Variants in ULK4 observed in about 807,000 individuals in gnomAD.
ULK4 encodes unc-51 like kinase 4.
Under a neutral mutation model 160.6 loss-of-function variants are expected in ULK4, and 133 were observed. The ratio of observed to expected loss-of-function variants is 0.83; its 90% CI spans 0.72 to 0.96. The LOEUF (loss-of-function observed/expected upper bound fraction) is 0.96. Ranked by LOEUF, ULK4 falls within the 40% of genes least tolerant of loss-of-function variation. The probability of loss-of-function intolerance (pLI) is 0.00; values close to 1 mark genes in which losing one functional copy is unlikely to be tolerated. For missense variants in ULK4, 1,580 were observed against 1,499.5 expected, an observed-to-expected ratio of 1.05 and a Z score of -0.89; for synonymous variants, 534 against 539.8, an observed-to-expected ratio of 0.99 and a Z score of 0.15.
At position 41,689,480 on chromosome 3, in the gene ULK4, A is replaced by C. The variant is rs577888997; in HGVS notation, c.2782-7676T>G. 6.6e-5 allele frequency among the ~76,000 whole-genome samples: 10 copies of C among 152,344 alleles called. No homozygotes were observed. In the South Asian group the frequency reaches 2.1e-3, roughly 32 times the overall value. Reference sequence around the variant, plus strand: ...TAACTTTTCTCTGCACAGCAAAAGAAACTACCATCAGACTGGACAGGCAAC... The same window carrying C: ...TAACTTTTCTCTGCACAGCAAAAGACACTACCATCAGACTGGACAGGCAAC... On this transcript the variant is annotated intron_variant, in intron 27 of 36. Transcript: ENST00000301831.
At chr3:41,606,110 C>T (rs1042022588) in intron 31 of ULK4, among the ~76,000 whole-genome samples, 1 of 151,808 alleles carries the variant, frequency 6.6e-6, no homozygotes, top group Non-Finnish European at 1.5e-5. Context: ...CTTAGGGGGA[C>T]ATTTTAGCAC....
intron 21 of ULK4, among the ~76,000 whole-genome samples, chr3:41,784,666 A>G (rs1178469735): frequency 6.6e-6 from 1 of 152,238 alleles, no homozygotes; most frequent in Non-Finnish European, 1.5e-5. Context: ...AGCACTCATG[A>G]TGCAAATGGC....
In ULK4 at chr3:41,819,420, T is replaced by C. The variant is rs1251712411; in HGVS notation, c.1848+3A>G. 4 of 1,613,572 alleles carry C rather than the reference T, an allele frequency of 2.5e-6. No homozygotes were observed. The East Asian group carries it at 6.7e-5, about 27-fold the overall frequency. Reference sequence around the variant, plus strand: ...TCTACAGAGGACAACAAAGGAGCCTTACCCCTTCCCGAAGGCACCTCATTA... The same window carrying C: ...TCTACAGAGGACAACAAAGGAGCCTCACCCCTTCCCGAAGGCACCTCATTA... On this transcript the variant is annotated splice_donor_region_variant and intron_variant, in intron 19 of 36. Transcript: ENST00000301831.
chr3:41,266,931 T>TC (rs2079044751), intron 35 of ULK4, among the ~76,000 whole-genome samples: 1 of 146,088 alleles, frequency 6.8e-6, no homozygotes, highest in African/African-American at 2.5e-5. Context: ...GTGTGGCTCC[T>TC]CTGTGGCCAC....
chr3:41,665,726 C>T (rs2035330844), intron 29 of ULK4, among the ~76,000 whole-genome samples: 1 of 151,976 alleles, frequency 6.6e-6, no homozygotes, highest in African/African-American at 2.4e-5. Flanking sequence ...ATAAAAATGT[C>T]TGATAAAATC....
chr3:41,603,949 T>C (rs1215316308), intron 31 of ULK4, among the ~76,000 whole-genome samples: 9 of 152,066 alleles, frequency 5.9e-5, no homozygotes, highest in Non-Finnish European at 1.2e-4. Flanking sequence ...TAGATGCATA[T>C]TGAGTGGCCA....
chr3:41,961,487 C>CTCCT (rs1700665615), intron 1 of ULK4, among the ~76,000 whole-genome samples: 1 of 151,144 alleles, frequency 6.6e-6, no homozygotes, highest in African/African-American at 2.5e-5. Context: ...TCCATAGGTG[C>CTCCT]TCCTCCTCGC....
intron 25 of ULK4, among the ~76,000 whole-genome samples, chr3:41,714,852 T>C (rs1421470238): frequency 2.3e-5 from 3 of 131,358 alleles, no homozygotes; most frequent in South Asian, 2.3e-4. Context: ...ACTCTGTCTT[T>C]AAAAAAAAAA....
chr3:41,612,565 T>C (rs1489853025), intron 31 of ULK4, among the ~76,000 whole-genome samples: 1 of 152,250 alleles, frequency 6.6e-6, no homozygotes, highest in East Asian at 1.9e-4. Flanking sequence ...AGATAATTTT[T>C]ATTTTTTCTC....
At chr3:41,919,399 C>A (rs1289533716) in intron 6 of ULK4, among the ~76,000 whole-genome samples, 1 of 152,060 alleles carries the variant, frequency 6.6e-6, no homozygotes, top group African/African-American at 2.4e-5. Flanking sequence ...GTCAGGCATT[C>A]AAGACCAGCC....
chr3:41,893,869 C>T (rs753527210), intron 16 of ULK4, among the ~76,000 whole-genome samples: 4 of 151,998 alleles, frequency 2.6e-5, no homozygotes, highest in Admixed American at 1.3e-4. Context: ...AATTATCTCC[C>T]AGACTAAGTT....
chr3:41,393,513 T>A (rs1035218859), intron 35 of ULK4, among the ~76,000 whole-genome samples: 1 of 152,124 alleles, frequency 6.6e-6, no homozygotes, highest in Admixed American at 6.6e-5. Flanking sequence ...ACTTTAAACA[T>A]CATGTCTTGC....
intron 32 of ULK4, among the ~76,000 whole-genome samples, chr3:41,473,364 A>G (rs1226694311): frequency 6.6e-6 from 1 of 152,188 alleles, no homozygotes; most frequent in African/African-American, 2.4e-5. Flanking sequence ...TAAAACTGCT[A>G]GAACTAGTAA....
At chr3:41,775,529 G>A (rs2039579707) in intron 21 of ULK4, among the ~76,000 whole-genome samples, 1 of 149,844 alleles carries the variant, frequency 6.7e-6, no homozygotes, top group South Asian at 2.1e-4. Context: ...CTACTGAGTA[G>A]CTGGAATTAC....
chr3:41,594,894 GGA>G (rs1382340905), intron 31 of ULK4, among the ~76,000 whole-genome samples: 2 of 152,024 alleles, frequency 1.3e-5, no homozygotes, highest in African/African-American at 4.8e-5. Flanking sequence ...ATGGAGAAAA[GGA>G]GACAAATCGA....
intron 35 of ULK4, among the ~76,000 whole-genome samples, chr3:41,331,500 GTTTTTCCAATGCT>G (rs1319902013): frequency 1.2e-4 from 19 of 152,118 alleles, no homozygotes; most frequent in Admixed American, 1.2e-3. Context: ...TCTGTCTAAG[GTTTTTCCAATGCT>G]TTTTATTTCC....
chr3:41,884,050 A>G (rs1697627816), intron 16 of ULK4, 98 bp from the exon 17 acceptor site: 1 of 834,492 alleles, frequency 1.2e-6, no homozygotes, highest in African/African-American at 1.7e-5. Context: ...CATTAGATAT[A>G]AGACTGAGAA....
chr3:41,634,501 C>G (rs1163724392), intron 30 of ULK4, among the ~76,000 whole-genome samples: 2 of 152,230 alleles, frequency 1.3e-5, no homozygotes, highest in African/African-American at 4.8e-5. Flanking sequence ...TGGCGTCAGA[C>G]AGAGAAAAAG....
chr3:41,716,522 T>C (rs1424278133), intron 23 of ULK4, among the ~76,000 whole-genome samples: 1 of 152,188 alleles, frequency 6.6e-6, no homozygotes, highest in Non-Finnish European at 1.5e-5. Flanking sequence ...TGAGAGGCTC[T>C]ATTTTCAGTC....
Sources: allele counts gnomAD v4.1 joint callset (sites outside exome capture counted in the v4.1 genomes callset), GRCh38; gene constraint gnomAD v4.1.1; transcripts MANE v1.5; gene names NCBI Gene and HGNC (gene_info 2026-07-23, HGNC 2026-07-21).